The following KIF26B variants were observed in gnomAD, a reference collection of about 807,000 sequenced individuals.
The protein encoded by KIF26B is kinesin family member 26B.
Under a neutral mutation model 151.2 loss-of-function variants are expected in KIF26B, and 63 were observed. That is an observed-to-expected ratio of 0.42 (90% CI 0.34 to 0.51). The LOEUF (loss-of-function observed/expected upper bound fraction) is 0.51, where lower values mean the gene tolerates loss of function less well. Ranked by LOEUF, KIF26B falls within the 20% of genes least tolerant of loss-of-function variation. The pLI, the probability that KIF26B is intolerant of heterozygous loss-of-function variation, is 0.07. For synonymous variants in KIF26B, 1,357 were observed against 1,262.1 expected (o/e 1.08, Z -1.59); for missense variants, 2,813 against 2,913.6 (o/e 0.97, Z 0.79).
intron 2 of KIF26B, among the ~76,000 whole-genome samples, chr1:245,351,737 C>G (rs998545084): frequency 2.0e-5 from 3 of 152,186 alleles, no homozygotes; most frequent in African/African-American, 4.8e-5. Flanking sequence ...AGGTCCAGAG[C>G]TCTGGCCAGT....
chr1:245,178,433 G>A (rs1200478539), intron 2 of KIF26B, among the ~76,000 whole-genome samples: 3 of 152,072 alleles, frequency 2.0e-5, no homozygotes, highest in African/African-American at 7.2e-5. Context: ...TCTCTTGGTA[G>A]TCTTTATTCT....
At chr1:245,217,697 A>G (rs1432371599) in intron 2 of KIF26B, among the ~76,000 whole-genome samples, 1 of 152,058 alleles carries the variant, frequency 6.6e-6, no homozygotes. Flanking sequence ...ATCACGACAC[A>G]CATATTATTC....
At chr1:245,696,622 T>A (rs775333043) in intron 12 of KIF26B, among the ~76,000 whole-genome samples, 14 of 152,176 alleles carry the variant, frequency 9.2e-5, no homozygotes, top group Non-Finnish European at 1.9e-4. Context: ...GCTAGCTTGA[T>A]CAGACTGATT....
rs373137592 is a variant in KIF26B at position 245,318,060 on chromosome 1, G to A, written c.466-48774G>A. ...CTGACCTCTCTCCAGAGGCACCCTC[G>A]TTTAGAAGCATAGATGATGCAAAAA... On this transcript the variant is annotated intron_variant, in intron 2 of 14. Coordinates refer to ENST00000407071, the MANE Select transcript of KIF26B (RefSeq NM_018012.4). The surrounding 1 kb of genome is among the most constrained non-coding windows in gnomAD (Gnocchi z 4.0). Among the ~76,000 whole-genome samples, 1 of 152,150 alleles carries A rather than the reference G, an allele frequency of 6.6e-6. No individual in the cohort carries two copies. The highest frequency in any genetic ancestry group is 1.5e-5 in the Non-Finnish European group (1 of 68,028).
chr1:245,393,376 T>C (rs1454436508), intron 3 of KIF26B, among the ~76,000 whole-genome samples: 2 of 152,210 alleles, frequency 1.3e-5, no homozygotes, highest in Non-Finnish European at 2.9e-5. Context: ...TTTTCATTGA[T>C]CTCTCAGAAT....
intron 2 of KIF26B, among the ~76,000 whole-genome samples, chr1:245,189,967 T>TA (rs1269699244): frequency 6.6e-6 from 1 of 152,148 alleles, no homozygotes; most frequent in Admixed American, 6.5e-5. Context: ...TCGTGAGACT[T>TA]ACTCACTACC....
At chr1:245,455,025 A>G (rs1271810417) in intron 4 of KIF26B, among the ~76,000 whole-genome samples, 4 of 152,256 alleles carry the variant, frequency 2.6e-5, no homozygotes, top group Non-Finnish European at 5.9e-5. Context: ...TAAAAATTGA[A>G]TACTTGTTCA....
Position 245,667,845 on chromosome 1 carries a change from G to A in KIF26B, c.2259-16388G>A, listed in dbSNP as rs1419341278. Reference sequence around the variant, plus strand: ...CAAAGAGGTGGCATGAGTAGCATGAGTCAGATGTGATTAATTCCTAATTCC... The same window carrying A: ...CAAAGAGGTGGCATGAGTAGCATGAATCAGATGTGATTAATTCCTAATTCC... On this transcript the variant is annotated intron_variant, in intron 10 of 14. Coordinates refer to ENST00000407071, the MANE Select transcript of KIF26B (RefSeq NM_018012.4). This position sits in a 1 kb window ranked among gnomAD's most constrained non-coding sequence, Gnocchi z 4.3. Among the ~76,000 whole-genome samples the A allele has an allele frequency of 6.6e-6, 1 of 152,164 alleles. No homozygotes were observed. The highest frequency in any genetic ancestry group is 1.5e-5 in the Non-Finnish European group (1 of 68,028).
At position 245,156,421 on chromosome 1, in the gene KIF26B, C is replaced by G; in HGVS notation, c.203C>G (p.Thr68Ser). The G allele has an allele frequency of 6.5e-7, 1 of 1,530,430 alleles. No homozygotes were observed. The highest frequency in any genetic ancestry group is 8.8e-7 in the Non-Finnish European group (1 of 1,141,146). The allele number at this position is 1,530,430 out of a possible 1,614,324, so 94.8% of individuals were successfully genotyped here. ...GGCTCAGCGCTCGGCTCCTCGGGGA[C>G]CCCGTCTCCCGGCTCGGGCACCTCG... ...GAGSALGSSG[T>S]PSPGSGTSSP... is the part of the protein sequence containing the mutation. The change falls in exon 2 of 15, where the codon ACC (threonine) becomes AGC (serine). Residue 68 changes from threonine to serine, a missense_variant. Thr to Ser is a moderately conservative substitution (Grantham distance 58, BLOSUM62 1). Transcript: ENST00000407071.
At chr1:245,257,394 C>T (rs1670556556) in intron 2 of KIF26B, among the ~76,000 whole-genome samples, 1 of 152,210 alleles carries the variant, frequency 6.6e-6, no homozygotes, top group South Asian at 2.1e-4. Flanking sequence ...TCTCTTCAAA[C>T]ATTTTACAGA....
chr1:245,294,222 G>A (rs1048154015), intron 2 of KIF26B, among the ~76,000 whole-genome samples: 54 of 152,234 alleles, frequency 3.5e-4, no homozygotes, highest in African/African-American at 1.1e-3. Context: ...GGGGTCTCCA[G>A]GCTCTCATTT....
Position 245,367,333 on chromosome 1 carries a change from C to T in KIF26B, c.965C>T (p.Ser322Leu), listed in dbSNP as rs372048870. Residue 322 changes from serine to leucine, a missense_variant, in exon 3 of 15, where the codon TCG becomes TTG. By Grantham distance (145) the Ser-to-Leu change is moderately radical. Transcript: ENST00000407071. This position sits in a 1 kb window ranked among gnomAD's most constrained non-coding sequence, Gnocchi z 4.2. Reference sequence around the variant, plus strand: ...TACCTGGATGGCACCTGGTCCCTGTCGAGAACCAACGGGGTCACCCTGTAC... The same window carrying T: ...TACCTGGATGGCACCTGGTCCCTGTTGAGAACCAACGGGGTCACCCTGTAC... The part of the protein sequence containing the change: ...HQYLDGTWSL[S>L]RTNGVTLYPY... 17 of 1,594,100 alleles carry T rather than the reference C, an allele frequency of 1.1e-5. No individual in the cohort carries two copies. Among genetic ancestry groups the T allele is most frequent in the South Asian group, 1.1e-5 (1 of 87,900 alleles).
At chr1:245,443,204 G>A (rs965544338) in intron 4 of KIF26B, among the ~76,000 whole-genome samples, 10 of 147,912 alleles carry the variant, frequency 6.8e-5, no homozygotes, top group Admixed American at 6.7e-4. Flanking sequence ...ACCTAGAGCT[G>A]TCATCTCCCT....
At chr1:245,661,084 T>G (rs2147932693) in intron 10 of KIF26B, among the ~76,000 whole-genome samples, 2 of 152,068 alleles carry the variant, frequency 1.3e-5, no homozygotes, top group South Asian at 4.2e-4. Context: ...TCTTCTGGGT[T>G]CAAGTGATTC....
At chr1:245,195,394 C>T (rs900646576) in intron 2 of KIF26B, among the ~76,000 whole-genome samples, 8 of 152,282 alleles carry the variant, frequency 5.3e-5, no homozygotes, top group South Asian at 2.1e-4. Flanking sequence ...GGAGGCGTGT[C>T]GTGATGGTGG....
At chr1:245,589,980 T>C (rs2043268680) in intron 5 of KIF26B, among the ~76,000 whole-genome samples, 1 of 152,244 alleles carries the variant, frequency 6.6e-6, no homozygotes, top group South Asian at 2.1e-4. Flanking sequence ...ATAGCATCTC[T>C]GTGCTGACAG....
At position 245,415,638 on chromosome 1, in the gene KIF26B, G is replaced by T. The variant is rs76044101; in HGVS notation, c.1000-3941G>T. 5.5e-4 allele frequency among the ~76,000 whole-genome samples: 84 copies of T among 152,184 alleles called. 2 individuals carry two copies. The East Asian group carries it at 0.015, about 27-fold the overall frequency. On this transcript the variant is annotated intron_variant, in intron 3 of 14. Coordinates refer to ENST00000407071, the MANE Select transcript of KIF26B (RefSeq NM_018012.4). ...GCTGCTTCTACTGAGAGCAAGCCTC[G>T]CTCTTCTGTTTTTCAGAATTATAAA...
chr1:245,474,406 C>CTTT (rs201678465), intron 4 of KIF26B, among the ~76,000 whole-genome samples: 52 of 144,448 alleles, frequency 3.6e-4, no homozygotes, highest in East Asian at 6.1e-4. Context: ...CTGCTCCTGG[C>CTTT]TTTTTTTTGT....
At chr1:245,525,928 CA>C (rs35105501) in intron 4 of KIF26B, among the ~76,000 whole-genome samples, 39 of 151,128 alleles carry the variant, frequency 2.6e-4, no homozygotes, top group East Asian at 7.8e-4. Flanking sequence ...CAGATTCTGC[CA>C]AAAAAAATGG....
Sources: allele counts gnomAD v4.1 joint callset (sites outside exome capture counted in the v4.1 genomes callset), GRCh38; gene constraint gnomAD v4.1.1; non-coding constraint Gnocchi (gnomAD v3.1); transcripts MANE v1.5; gene names NCBI Gene and HGNC (gene_info 2026-07-23, HGNC 2026-07-21).